AFAP1L2: variants seen among roughly 807,000 people sequenced by gnomAD.
AFAP1L2 encodes actin filament associated protein 1 like 2.
In AFAP1L2, 46 loss-of-function variants were observed where a neutral mutation model predicts 99.3. That is an observed-to-expected ratio of 0.46 (90% confidence interval 0.37 to 0.59). The LOEUF is 0.59. Among genes scored for constraint, AFAP1L2 ranks in the 20% least tolerant of loss-of-function variants. AFAP1L2 has a pLI of 0.00. For synonymous variants in AFAP1L2, 397 were observed against 419.1 expected, an observed-to-expected ratio of 0.95 and a Z score of 0.64; for missense variants, 959 against 1,034.9, an observed-to-expected ratio of 0.93 and a Z score of 1.01.
chr10:114,324,784 G>A (rs1381796194), intron 4 of AFAP1L2, among the ~76,000 whole-genome samples: 1 of 152,212 alleles, frequency 6.6e-6, no homozygotes, highest in Non-Finnish European at 1.5e-5. Context: ...CCAATGGAAG[G>A]ACGCTGCAGT....
intron 1 of AFAP1L2, among the ~76,000 whole-genome samples, chr10:114,370,205 C>T (rs1590650240): frequency 6.6e-6 from 1 of 152,298 alleles, no homozygotes; most frequent in African/African-American, 2.4e-5. Context: ...ATCCACTCTG[C>T]AAGACTGAGG....
At chr10:114,312,237 GTGTGTGTGTGT>G (rs2043361735) in intron 7 of AFAP1L2, among the ~76,000 whole-genome samples, 1 of 1,106 alleles carries the variant, frequency 9.0e-4, no homozygotes, top group East Asian at 0.042. Flanking sequence ...AGAGCAGAGT[GTGTGTGTGTGT>G]GTGTGTGTGT....
the AFAP1L2 span, among the ~76,000 whole-genome samples, chr10:114,283,009 T>C: frequency 1.1e-4 from 16 of 152,186 alleles, no homozygotes; most frequent in Non-Finnish European, 2.2e-4. Context: ...CAGTAGATAA[T>C]GCCCATGGAA....
In AFAP1L2 at chr10:114,324,026, A is replaced by G. The variant is rs2045812306; in HGVS notation, c.316-765T>C. On this transcript the variant is annotated intron_variant, in intron 4 of 18. Transcript: ENST00000304129. Reference sequence around the variant, plus strand: ...TGAGGTTGAACGTGTGCAATTTGAGAATAAAAAACACCTGCAACTGTGTCA... The same window carrying G: ...TGAGGTTGAACGTGTGCAATTTGAGGATAAAAAACACCTGCAACTGTGTCA... Among the ~76,000 whole-genome samples the G allele has an allele frequency of 3.3e-5, 5 of 152,200 alleles. No individual in the cohort carries two copies. In the South Asian group the frequency reaches 1.0e-3, roughly 32 times the overall value.
chr10:114,337,026 C>A (rs1171007656), intron 2 of AFAP1L2, among the ~76,000 whole-genome samples: 1 of 152,248 alleles, frequency 6.6e-6, no homozygotes, highest in Admixed American at 6.5e-5. Flanking sequence ...CTCGCCTCCA[C>A]CTACAAGTCT....
At chr10:114,397,514 C>A (rs1221289294) in intron 1 of AFAP1L2, among the ~76,000 whole-genome samples, 1 of 152,132 alleles carries the variant, frequency 6.6e-6, no homozygotes, top group African/African-American at 2.4e-5. Context: ...ATGGAGAAAT[C>A]AAACTCTTGA....
intron 2 of AFAP1L2, among the ~76,000 whole-genome samples, chr10:114,337,042 GGCTGA>G: frequency 6.6e-6 from 1 of 152,334 alleles, no homozygotes; most frequent in South Asian, 2.1e-4. Context: ...AGTCTCAACA[GGCTGA>G]GCTAAGTTTT....
intron 1 of AFAP1L2, among the ~76,000 whole-genome samples, chr10:114,348,654 A>G (rs879858997): frequency 1.4e-4 from 22 of 152,230 alleles, no homozygotes; most frequent in Non-Finnish European, 2.4e-4. Context: ...GCTCTACTTT[A>G]AGTTCACGCA....
intron 1 of AFAP1L2, among the ~76,000 whole-genome samples, chr10:114,395,500 A>T (rs769874960): frequency 5.9e-5 from 9 of 152,258 alleles, no homozygotes; most frequent in Non-Finnish European, 1.3e-4. Context: ...ATTAAATAAA[A>T]GAAGTCAGTG....
intron 2 of AFAP1L2, among the ~76,000 whole-genome samples, chr10:114,334,223 C>T (rs1487304827): frequency 2.0e-5 from 3 of 152,122 alleles, no homozygotes; most frequent in Non-Finnish European, 2.9e-5. Flanking sequence ...TCACCTTTCC[C>T]ATGCCTGCCT....
chr10:114,378,206 C>T (rs890273990), intron 1 of AFAP1L2, among the ~76,000 whole-genome samples: 9 of 152,202 alleles, frequency 5.9e-5, no homozygotes, highest in Non-Finnish European at 1.3e-4. Flanking sequence ...CGCTTCAATG[C>T]TAAGCATGTT....
chr10:114,295,026 AAAAAAAAAAT>A lies in AFAP1L2; in HGVS notation c.*1006_*1015del. The stretch of plus-strand genomic sequence containing the variant: ...TGTTTCAACCTGTGTTAAAAAAAAA[AAAAAAAAAAT>A]GCCATCAGAGGAAAAGACAGGGGCA... On this transcript the variant is annotated 3_prime_UTR_variant, in exon 19 of 19. Transcript: ENST00000304129. The A allele has an allele frequency of 2.0e-6, 2 of 985,142 alleles. No homozygotes were observed. Among genetic ancestry groups the A allele is most frequent in the Non-Finnish European group, 2.4e-6 (2 of 829,596 alleles). 61.0% of individuals were successfully genotyped at this position (985,142 alleles called of 1,614,324 possible).
intron 1 of AFAP1L2, among the ~76,000 whole-genome samples, chr10:114,345,896 G>A (rs946397162): frequency 7.0e-6 from 1 of 142,958 alleles, no homozygotes; most frequent in Non-Finnish European, 1.5e-5. Flanking sequence ...ATCAGACACC[G>A]TGGTGAACCA....
intron 5 of AFAP1L2, among the ~76,000 whole-genome samples, chr10:114,322,010 G>T (rs2045434081): frequency 1.3e-5 from 2 of 152,150 alleles, no homozygotes; most frequent in African/African-American, 4.8e-5. Flanking sequence ...GAATCATGGG[G>T]GTGAGTCTTT....
chr10:114,313,924 C>G lies in AFAP1L2; in HGVS notation c.739G>C (p.Asp247His). 6.2e-7 allele frequency: 1 copy of G among 1,614,022 alleles called. No individual in the cohort carries two copies. Among genetic ancestry groups the G allele is most frequent in the Non-Finnish European group, 8.5e-7 (1 of 1,179,998 alleles). Residue 247 changes from aspartate (D) to histidine (H), a missense_variant, in exon 7 of 19, where the codon GAT becomes CAT. Asp to His is a moderately conservative substitution (Grantham distance 81, BLOSUM62 -1). Around this residue, in one of 2 missense-constraint regions of AFAP1L2, gnomAD observed 383 missense variants for 472.8 expected, o/e 0.81. Coordinates refer to ENST00000304129, the MANE Select transcript of AFAP1L2 (RefSeq NM_001001936.3). ...HKLKITPMNADVIVLGLQSKD... is the reference protein window; with the variant it reads ...HKLKITPMNAHVIVLGLQSKD... The stretch of plus-strand genomic sequence containing the variant: ...CTCTGCAGGCCCAGCACAATCACAT[C>G]GGCATTCATCGGCGTGATCTTCAGC...
chr10:114,324,811 G>A (rs1415138993), intron 4 of AFAP1L2, among the ~76,000 whole-genome samples: 1 of 152,158 alleles, frequency 6.6e-6, no homozygotes, highest in Non-Finnish European at 1.5e-5. Flanking sequence ...AGCTCAGGTG[G>A]ACCCCTGTGC....
chr10:114,321,124 T>C lies in AFAP1L2; in HGVS notation c.406+2047A>G, dbSNP rs545290441. 2.6e-5 allele frequency among the ~76,000 whole-genome samples: 4 copies of C among 152,310 alleles called. No individual in the cohort carries two copies. In the East Asian group the frequency reaches 5.8e-4, roughly 22 times the overall value. On this transcript the variant is annotated intron_variant, in intron 5 of 18. Coordinates refer to ENST00000304129, the MANE Select transcript of AFAP1L2 (RefSeq NM_001001936.3). ...GGTCCCATCTCATCCCTGGTCCTGT[T>C]CTTTTTATTTTTATTTCAATAGTTT...
chr10:114,364,337 C>A lies in AFAP1L2; in HGVS notation c.17-23606G>T, dbSNP rs574665987. ...AAAACAACAGATGTTTATTCTCTCGCGGTTCTGGAGGCTGGAAGTCCAAAA... is the reference window on the plus strand; with the variant it reads ...AAAACAACAGATGTTTATTCTCTCGAGGTTCTGGAGGCTGGAAGTCCAAAA... On this transcript the variant is annotated intron_variant, in intron 1 of 18. Coordinates refer to ENST00000304129, the MANE Select transcript of AFAP1L2 (RefSeq NM_001001936.3). Among the ~76,000 whole-genome samples the A allele has an allele frequency of 1.1e-3, 167 of 152,304 alleles. 1 individual carries two copies. Among genetic ancestry groups the A allele is most frequent in the African/African-American group, 3.9e-3 (161 of 41,572 alleles).
chr10:114,286,058 G>A, the AFAP1L2 span: 12 of 1,614,190 alleles, frequency 7.4e-6, no homozygotes, highest in Middle Eastern at 1.6e-4. Flanking sequence ...TGTGCGGGCC[G>A]TGCTGAGCGA....
Sources: gnomAD v4.1 joint callset for allele counts (sites outside exome capture counted in the v4.1 genomes callset) on GRCh38, gnomAD v4.1.1 for gene constraint, gnomAD v4.1.1 regional missense constraint, MANE v1.5 for transcripts, NCBI Gene and HGNC (gene_info 2026-07-23, HGNC 2026-07-21) for gene names.